TRPM3: variants seen among roughly 807,000 people sequenced by gnomAD.
The protein encoded by TRPM3 is long transient receptor potential channel 3.
Under a neutral mutation model 181.2 loss-of-function variants are expected in TRPM3, and 77 were observed. That is an observed-to-expected ratio of 0.42 (90% confidence interval 0.35 to 0.51). The LOEUF (loss-of-function observed/expected upper bound fraction) is 0.51. Ranked by LOEUF, TRPM3 falls within the 20% of genes least tolerant of loss-of-function variation. The probability of loss-of-function intolerance (pLI) is 0.01; values close to 1 mark genes in which losing one functional copy is unlikely to be tolerated. For synonymous variants in TRPM3, 745 were observed against 796.4 expected, an observed-to-expected ratio of 0.94 and a Z score of 1.09; for missense variants, 1,759 against 2,196.7, an observed-to-expected ratio of 0.80 and a Z score of 3.98.
intron 1 of TRPM3, among the ~76,000 whole-genome samples, chr9:71,176,114 G>T (rs774743927): frequency 2.6e-5 from 4 of 152,148 alleles, no homozygotes; most frequent in Non-Finnish European, 5.9e-5. Context: ...TGCATATACT[G>T]TACTTTTAAT....
chr9:71,375,005 T>C (rs1472697136), intron 1 of TRPM3, among the ~76,000 whole-genome samples: 5 of 152,196 alleles, frequency 3.3e-5, no homozygotes. Context: ...ATAATGGATA[T>C]GGCCATACTG....
intron 19 of TRPM3, among the ~76,000 whole-genome samples, chr9:70,607,661 G>C (rs535234977): frequency 2.0e-5 from 3 of 152,296 alleles, no homozygotes; most frequent in Non-Finnish European, 4.4e-5. Context: ...AGCCTCTTAG[G>C]CTCCTTCCTG....
rs767528693 is a variant in TRPM3 at position 71,352,409 on chromosome 9, C to A, written c.183+94244G>T. 5.5e-4 allele frequency among the ~76,000 whole-genome samples: 83 copies of A among 152,116 alleles called. 1 individual carries two copies. Among genetic ancestry groups the A allele is most frequent in the South Asian group, 8.3e-4 (4 of 4,818 alleles). ...ACTTATTTTTCCCTGGAAAGAATAG[C>A]ACAGAGATGTCACTGAGGTTATTGA... On this transcript the variant is annotated intron_variant, in intron 1 of 24. Coordinates refer to the TRPM3 transcript ENST00000357533.
At chr9:71,328,330 A>T (rs1264453910) in intron 1 of TRPM3, among the ~76,000 whole-genome samples, 4 of 152,026 alleles carry the variant, frequency 2.6e-5, no homozygotes, top group South Asian at 4.2e-4. Flanking sequence ...CGCCCGGCTA[A>T]TTTTTTGTAT....
chr9:70,599,960 C>A (rs2059597592), intron 20 of TRPM3, among the ~76,000 whole-genome samples: 1 of 152,194 alleles, frequency 6.6e-6, no homozygotes, highest in South Asian at 2.1e-4. Flanking sequence ...GTACCCCAGG[C>A]CTGTTACATA....
chr9:70,687,261 G>A (rs954153909), intron 8 of TRPM3, among the ~76,000 whole-genome samples: 1 of 152,160 alleles, frequency 6.6e-6, no homozygotes, highest in Non-Finnish European at 1.5e-5. Flanking sequence ...ATTTGAGGAT[G>A]AGGAGCAGGA....
At chr9:71,135,265 T>C (rs1422567940) in intron 1 of TRPM3, among the ~76,000 whole-genome samples, 3 of 152,134 alleles carry the variant, frequency 2.0e-5, no homozygotes, top group Admixed American at 6.5e-5. Context: ...TACAAATCCT[T>C]CCATCTGTCA....
At chr9:71,005,624 C>T (rs937489196) in intron 1 of TRPM3, among the ~76,000 whole-genome samples, 1 of 151,894 alleles carries the variant, frequency 6.6e-6, no homozygotes, top group Non-Finnish European at 1.5e-5. Context: ...ATGCTATATT[C>T]AAAGTACTGA....
chr9:71,050,754 C>T (rs72731759), intron 1 of TRPM3, among the ~76,000 whole-genome samples: 24,405 of 152,100 alleles, frequency 0.16, 2,591 homozygotes, highest in South Asian at 0.24. Flanking sequence ...CCCAAGCCCA[C>T]GGAATGCAGG....
intron 1 of TRPM3, among the ~76,000 whole-genome samples, chr9:71,434,238 C>T (rs1483143883): frequency 6.6e-6 from 1 of 152,098 alleles, no homozygotes; most frequent in Non-Finnish European, 1.5e-5. Flanking sequence ...TATGTTTAAA[C>T]TTAGTTCCCA....
rs2057675650 is a variant in TRPM3 at position 70,639,175 on chromosome 9, G to A, written c.1466C>T (p.Ala489Val). 6.2e-7 allele frequency: 1 copy of A among 1,613,676 alleles called. No individual in the cohort carries two copies. Among genetic ancestry groups the A allele is most frequent in the Non-Finnish European group, 8.5e-7 (1 of 1,179,852 alleles). The change falls in exon 11 of 26, where the codon GCC (alanine) becomes GTC (valine). Residue 489 changes from alanine to valine, a missense_variant. By Grantham distance (64) the Ala-to-Val change is moderately conservative. This residue lies in a region of TRPM3 where 737 missense variants were observed against 957.4 expected (regional missense o/e 0.77). Coordinates refer to ENST00000677713, the MANE Select transcript of TRPM3 (RefSeq NM_001366145.2). Reference protein sequence around the residue: ...QQWPVGSLEQAMLDALVLDRV... With the variant: ...QQWPVGSLEQVMLDALVLDRV... ...GTCCAGAACTAAGGCATCCAACATG[G>A]CTTGCTCCAGAGATCCCACCTGCAA... is the stretch of plus-strand genomic sequence containing the variant.
intron 1 of TRPM3, among the ~76,000 whole-genome samples, chr9:70,919,873 G>A (rs184849328): frequency 4.6e-4 from 69 of 151,318 alleles, no homozygotes; most frequent in East Asian, 2.7e-3. Context: ...TTTTATTTGC[G>A]TATGCTCTTG....
chr9:70,687,383 G>T (rs534314680), intron 8 of TRPM3, among the ~76,000 whole-genome samples: 204 of 152,196 alleles, frequency 1.3e-3, no homozygotes, highest in African/African-American at 4.8e-3. Context: ...CATTTTGTAG[G>T]TGATTTAGTA....
chr9:70,640,746 G>A, intron 9 of TRPM3, 86 bp from the exon 10 acceptor site: 3 of 962,446 alleles, frequency 3.1e-6, no homozygotes, highest in Non-Finnish European at 4.9e-6. Flanking sequence ...CCATCCCTCT[G>A]CCATTAATGC....
chr9:70,947,268 G>A (rs186181339), intron 1 of TRPM3, among the ~76,000 whole-genome samples: 45 of 152,212 alleles, frequency 3.0e-4, no homozygotes, highest in Non-Finnish European at 5.3e-4. Flanking sequence ...GTTTTTCCCT[G>A]ATGACTAATG....
chr9:71,041,463 G>A (rs763558652), intron 1 of TRPM3, among the ~76,000 whole-genome samples: 7 of 152,034 alleles, frequency 4.6e-5, no homozygotes, highest in Non-Finnish European at 8.8e-5. Flanking sequence ...TTGGTGGAGA[G>A]GTACAACATA....
chr9:70,686,450 CTTTAA>C (rs1338668417), intron 8 of TRPM3, among the ~76,000 whole-genome samples: 6 of 152,102 alleles, frequency 3.9e-5, no homozygotes, highest in Non-Finnish European at 7.4e-5. Flanking sequence ...GAGGGGAGTT[CTTTAA>C]TTTATTATTC....
At chr9:71,306,284 C>T (rs1438976413) in intron 1 of TRPM3, among the ~76,000 whole-genome samples, 1 of 152,152 alleles carries the variant, frequency 6.6e-6, no homozygotes, top group Non-Finnish European at 1.5e-5. Flanking sequence ...AAGATAGGTT[C>T]TTGAGAGCCA....
intron 1 of TRPM3, among the ~76,000 whole-genome samples, chr9:71,165,348 T>C (rs1343294207): frequency 2.6e-5 from 4 of 152,134 alleles, no homozygotes; most frequent in South Asian, 2.1e-4. Flanking sequence ...TGCTGTTTTG[T>C]TATGGGTTTT....
Sources: gnomAD v4.1 joint callset for allele counts (sites outside exome capture counted in the v4.1 genomes callset) on GRCh38, gnomAD v4.1.1 for gene constraint, gnomAD v4.1.1 regional missense constraint, MANE v1.5 for transcripts, NCBI Gene and HGNC (gene_info 2026-07-23, HGNC 2026-07-21) for gene names.